Variants in ANKDD1A observed in about 807,000 individuals in gnomAD.
ANKDD1A encodes the protein ankyrin repeat and death domain containing 1A, also known as ankyrin repeat and death domain-containing protein 1A.
ANKDD1A carries 59 observed loss-of-function variants against 63.5 expected under a neutral mutation model. That is an observed-to-expected ratio of 0.93 (90% CI 0.75 to 1.15). The LOEUF (loss-of-function observed/expected upper bound fraction) is 1.15, where lower values mean the gene tolerates loss of function less well. ANKDD1A is among the 50% of genes most tolerant of loss of function. The pLI, the probability that ANKDD1A is intolerant of heterozygous loss-of-function variation, is 0.00. For synonymous variants in ANKDD1A, 266 were observed against 263.9 expected (o/e 1.01, Z -0.08); for missense variants, 632 against 656.4 (o/e 0.96, Z 0.41).
rs777675671 is a variant in ANKDD1A at position 64,917,440 on chromosome 15, C to T, written c.193C>T (p.Arg65Cys). Residue 65 changes from arginine to cysteine, a missense_variant, in exon 3 of 15, where the codon CGT becomes TGT. Arg to Cys is a radical substitution (Grantham distance 180). Transcript: ENST00000319580. ...AAGAGHEQAV[R>C]LLLEHEAAVD... is the part of the protein sequence containing the mutation. ...AGGTGCAGGGCACGAGCAGGCTGTG[C>T]GTCTGCTTCTGGAGCACGAGGCTGC... 5.6e-6 allele frequency: 9 copies of T among 1,610,014 alleles called. No individual in the cohort carries two copies. The highest frequency in any genetic ancestry group is 2.2e-5 in the East Asian group (1 of 44,736).
chr15:64,947,107 TC>T (rs752731735), intron 12 of ANKDD1A, among the ~76,000 whole-genome samples: 16 of 152,174 alleles, frequency 1.1e-4, no homozygotes, highest in Middle Eastern at 6.8e-3. Flanking sequence ...CTGGAAAGGC[TC>T]CCTGGAAGTA....
chr15:64,914,460 A>T (rs886495959), intron 1 of ANKDD1A, among the ~76,000 whole-genome samples: 2 of 152,120 alleles, frequency 1.3e-5, no homozygotes, highest in Non-Finnish European at 2.9e-5. Flanking sequence ...GCTAATTTTT[A>T]AAAAAACTTT....
intron 4 of ANKDD1A, among the ~76,000 whole-genome samples, chr15:64,923,532 C>T (rs1488423600): frequency 2.0e-5 from 3 of 151,994 alleles, no homozygotes; most frequent in African/African-American, 7.3e-5. Flanking sequence ...CTATAGGCTT[C>T]ACCAGATGTA....
chr15:64,954,154 TTATTC>T (rs371630793), intron 14 of ANKDD1A, among the ~76,000 whole-genome samples: 250 of 102,054 alleles, frequency 2.4e-3, no homozygotes, highest in Non-Finnish European at 4.6e-3. Flanking sequence ...TTGTTCCTTA[TTATTC>T]TTTCTTCTTT....
At position 64,942,570 on chromosome 15, in the gene ANKDD1A, G is replaced by C; in HGVS notation, c.966+5G>C. On this transcript the variant is annotated splice_donor_5th_base_variant and intron_variant, in intron 10 of 14. Coordinates refer to ENST00000319580, the MANE Select transcript of ANKDD1A (RefSeq NM_182703.6). ...GACGTGAATGCCGTGGACAATGTAA[G>C]TGGCTACAGAGACCTTCCGGGCCCC... is the stretch of plus-strand genomic sequence containing the variant. 1 of 1,611,194 alleles carries C rather than the reference G, an allele frequency of 6.2e-7. No homozygotes were observed. The highest frequency in any genetic ancestry group is 1.3e-5 in the African/African-American group (1 of 74,902).
At position 64,931,726 on chromosome 15, in the gene ANKDD1A, C is replaced by T. The variant is rs951290476; in HGVS notation, c.768+141C>T. The T allele has an allele frequency of 3.5e-4, 308 of 890,024 alleles. 1 individual carries two copies. The highest frequency in any genetic ancestry group is 2.5e-4 in the Middle Eastern group (1 of 3,928). The allele number at this position is 890,024 out of a possible 1,614,324, so 55.1% of individuals were successfully genotyped here. A position where few individuals can be genotyped will look rare whatever the true frequency, so the allele number is the denominator to read the frequency against. ...AGACAAGGTTCTGATCTTGGCTTCT[C>T]CACTGCTGAGCCCTGTGACCTGGAG... On this transcript the variant is annotated intron_variant, in intron 8 of 14. Coordinates refer to ENST00000319580, the MANE Select transcript of ANKDD1A (RefSeq NM_182703.6).
In ANKDD1A at chr15:64,941,717, A is replaced by T. The variant is rs1014499884; in HGVS notation, c.868-750A>T. Among the ~76,000 whole-genome samples, 3 of 152,302 alleles carry T rather than the reference A, an allele frequency of 2.0e-5. No homozygotes were observed. The East Asian group carries it at 5.8e-4, about 29-fold the overall frequency. On this transcript the variant is annotated intron_variant, in intron 9 of 14. Coordinates refer to ENST00000319580, the MANE Select transcript of ANKDD1A (RefSeq NM_182703.6). Reference sequence around the variant, plus strand: ...GTATCAATTTTATTGGCCTTGTACTATTCCACAGGATGTGTGTCACTATAT... The same window carrying T: ...GTATCAATTTTATTGGCCTTGTACTTTTCCACAGGATGTGTGTCACTATAT...
chr15:64,916,154 T>C (rs1371192668), intron 2 of ANKDD1A, among the ~76,000 whole-genome samples: 1 of 152,044 alleles, frequency 6.6e-6, no homozygotes, highest in East Asian at 1.9e-4. Context: ...AACTCTTAAC[T>C]TCTGGGACCC....
intron 13 of ANKDD1A, among the ~76,000 whole-genome samples, chr15:64,948,361 T>TTAGA (rs2140382904): frequency 6.6e-6 from 1 of 152,344 alleles, no homozygotes; most frequent in Non-Finnish European, 1.5e-5. Flanking sequence ...AGATTAAAAC[T>TTAGA]TTGATCTAAT....
intron 4 of ANKDD1A, 196 bp downstream of exon 4, chr15:64,922,215 GCCT>G (rs1050462910): frequency 7.4e-5 from 42 of 565,768 alleles, no homozygotes; most frequent in Non-Finnish European, 1.1e-4. Flanking sequence ...CCTCTGGCTG[GCCT>G]CCTTATTTAC....
At chr15:64,949,756 G>A in intron 13 of ANKDD1A, 85 bp from the exon 14 acceptor site, 1 of 1,555,082 alleles carries the variant, frequency 6.4e-7, no homozygotes, top group Non-Finnish European at 8.7e-7. Flanking sequence ...TCAGGAGGCG[G>A]TGCAGGGTGG....
At chr15:64,930,302 C>G (rs960907093) in intron 6 of ANKDD1A, among the ~76,000 whole-genome samples, 1 of 151,866 alleles carries the variant, frequency 6.6e-6, no homozygotes, top group African/African-American at 2.4e-5. Context: ...AAGCACTCAG[C>G]CAGTGACAGA....
chr15:64,931,633 A>G lies in ANKDD1A; in HGVS notation c.768+48A>G, dbSNP rs568094570. ...GCGGTCGGCTCTTGGCTGCTGAGCC[A>G]TAGCCATGTCGGCAGTAACGGCCAC... On this transcript the variant is annotated intron_variant, in intron 8 of 14. Coordinates refer to ENST00000319580, the MANE Select transcript of ANKDD1A (RefSeq NM_182703.6). The G allele has an allele frequency of 3.1e-6, 5 of 1,593,028 alleles. No individual in the cohort carries two copies. The African/African-American group carries it at 4.0e-5, about 13-fold the overall frequency.
intron 8 of ANKDD1A, 36 bp from the exon 9 acceptor site, chr15:64,934,100 C>A: frequency 6.4e-7 from 1 of 1,565,430 alleles, no homozygotes; most frequent in South Asian, 1.1e-5. Context: ...TAGGAGGGGT[C>A]CTTGTGATAA....
At chr15:64,956,101 A>G (rs148442387) in intron 14 of ANKDD1A, among the ~76,000 whole-genome samples, 7 of 152,260 alleles carry the variant, frequency 4.6e-5, no homozygotes, top group East Asian at 1.9e-4. Flanking sequence ...AATTAAGTGG[A>G]AAAAAACCCC....
intron 14 of ANKDD1A, among the ~76,000 whole-genome samples, chr15:64,954,537 TCTC>T (rs1321547169): frequency 6.6e-4 from 13 of 19,704 alleles, no homozygotes; most frequent in African/African-American, 9.1e-4. Context: ...TCTTCCTCCT[TCTC>T]CTTCTTCTTT....
chr15:64,950,592 T>C, intron 14 of ANKDD1A: 1 of 985,402 alleles, frequency 1.0e-6, no homozygotes, highest in Non-Finnish European at 1.2e-6. Flanking sequence ...AACCACAGAA[T>C]GGGGCACTAG....
chr15:64,915,947 G>T, intron 2 of ANKDD1A, 47 bp downstream of exon 2: 1 of 1,558,138 alleles, frequency 6.4e-7, no homozygotes, highest in Non-Finnish European at 8.8e-7. Context: ...ATAGTGTCAC[G>T]ATAATGCCAG....
At chr15:64,951,400 TTTTC>T (rs1413462428) in intron 14 of ANKDD1A, 3,896 of 190,430 alleles carry the variant, frequency 0.02, 90 homozygotes, top group Admixed American at 0.049. Context: ...TCTTCCTCTT[TTTTC>T]TTTTTTCTTT....
Sources: allele counts gnomAD v4.1 joint callset (sites outside exome capture counted in the v4.1 genomes callset), GRCh38; gene constraint gnomAD v4.1.1; transcripts MANE v1.5; gene names NCBI Gene and HGNC (gene_info 2026-07-23, HGNC 2026-07-21).